The following STIM2 variants were observed in gnomAD, a reference collection of about 807,000 sequenced individuals.
The protein encoded by STIM2 is stromal interaction molecule 2.
STIM2 carries 31 observed loss-of-function variants against 85.8 expected under a neutral mutation model. The ratio of observed to expected loss-of-function variants is 0.36; its 90% CI spans 0.27 to 0.49. The LOEUF (loss-of-function observed/expected upper bound fraction) is 0.49, where lower values mean the gene tolerates loss of function less well. Among genes scored for constraint, STIM2 ranks in the 20% least tolerant of loss-of-function variants. STIM2 has a pLI of 0.98. For missense variants in STIM2, 841 were observed against 927.6 expected, an observed-to-expected ratio of 0.91 and a Z score of 1.21; for synonymous variants, 356 against 331.1, an observed-to-expected ratio of 1.08 and a Z score of -0.82.
chr4:26,942,672 A>T (rs1725656872), intron 2 of STIM2, among the ~76,000 whole-genome samples: 1 of 152,158 alleles, frequency 6.6e-6, no homozygotes, highest in African/African-American at 2.4e-5. Context: ...TTTTTAAAGC[A>T]ATTTTTTAAA....
At chr4:26,931,314 A>G (rs370377350) in intron 2 of STIM2, among the ~76,000 whole-genome samples, 9 of 152,298 alleles carry the variant, frequency 5.9e-5, no homozygotes, top group African/African-American at 2.2e-4. Flanking sequence ...CCAGCCAACC[A>G]TCACGGGGAG....
chr4:26,985,597 C>T (rs1560230301), intron 3 of STIM2, among the ~76,000 whole-genome samples: 1 of 151,886 alleles, frequency 6.6e-6, no homozygotes, highest in Non-Finnish European at 1.5e-5. Flanking sequence ...TCTTCCTGAC[C>T]CCCTTGCCAA....
intron 1 of STIM2, among the ~76,000 whole-genome samples, chr4:26,883,847 G>T (rs78264054): frequency 1.5e-3 from 229 of 152,262 alleles, no homozygotes; most frequent in Non-Finnish European, 2.5e-3. Flanking sequence ...ATGTAAATCT[G>T]CAAGGTTATG....
At chr4:26,887,642 T>A (rs1723308787) in intron 1 of STIM2, among the ~76,000 whole-genome samples, 1 of 152,174 alleles carries the variant, frequency 6.6e-6, no homozygotes, top group Admixed American at 6.6e-5. Flanking sequence ...CTTAATGTTT[T>A]AAAAGACCCT....
chr4:27,016,119 CTAAT>C (rs1728723816), intron 10 of STIM2, among the ~76,000 whole-genome samples: 1 of 152,064 alleles, frequency 6.6e-6, no homozygotes, highest in Non-Finnish European at 1.5e-5. Flanking sequence ...ATTTTTAACT[CTAAT>C]TACTGTTTTT....
chr4:26,997,052 C>T (rs1727983238), intron 4 of STIM2, among the ~76,000 whole-genome samples: 1 of 152,098 alleles, frequency 6.6e-6, no homozygotes, highest in Admixed American at 6.6e-5. Context: ...GTTTTCAGGT[C>T]AGCCCATTGG....
At chr4:26,885,861 A>ATATATATGTATATATATATATATATATG (rs1723220525) in intron 1 of STIM2, among the ~76,000 whole-genome samples, 1 of 77,734 alleles carries the variant, frequency 1.3e-5, no homozygotes, top group Admixed American at 1.4e-4. Flanking sequence ...ATATATATAT[A>ATATATATGTATATATATATATATATATG]TATATATATA....
intron 2 of STIM2, among the ~76,000 whole-genome samples, chr4:26,935,620 G>A (rs1009649598): frequency 1.3e-5 from 2 of 152,168 alleles, no homozygotes; most frequent in African/African-American, 4.8e-5. Flanking sequence ...TGAATCAGCA[G>A]CTTGGGGATG....
intron 3 of STIM2, among the ~76,000 whole-genome samples, chr4:26,981,562 C>A (rs1337516041): frequency 6.6e-6 from 1 of 152,300 alleles, no homozygotes. Context: ...CCTCCGCTCC[C>A]CTTCCAGTGC....
At chr4:26,962,083 G>A (rs1159739345) in intron 3 of STIM2, among the ~76,000 whole-genome samples, 1 of 152,156 alleles carries the variant, frequency 6.6e-6, no homozygotes, top group African/African-American at 2.4e-5. Context: ...TTTGCTAGAA[G>A]TGAAAGTGGA....
chr4:26,933,911 C>T (rs1577447147), intron 2 of STIM2, among the ~76,000 whole-genome samples: 1 of 152,070 alleles, frequency 6.6e-6, no homozygotes, highest in East Asian at 1.9e-4. Context: ...CGCAAAAATA[C>T]GGCTGGGTGC....
intron 1 of STIM2, among the ~76,000 whole-genome samples, chr4:26,870,480 T>C (rs1175577390): frequency 6.6e-6 from 1 of 152,222 alleles, no homozygotes; most frequent in African/African-American, 2.4e-5. Context: ...AATGGAAGTT[T>C]TTGTTATACA....
At chr4:26,951,199 C>A (rs1172066567) in intron 2 of STIM2, among the ~76,000 whole-genome samples, 2 of 151,948 alleles carry the variant, frequency 1.3e-5, no homozygotes, top group African/African-American at 4.8e-5. Context: ...GTTATCTGAG[C>A]GTTACTATAG....
chr4:26,939,047 C>T (rs1725501285), intron 2 of STIM2, among the ~76,000 whole-genome samples: 1 of 152,010 alleles, frequency 6.6e-6, no homozygotes, highest in Non-Finnish European at 1.5e-5. Context: ...ATATTGGAAA[C>T]TTCTGGGTAT....
chr4:27,014,636 A>G (rs954090046), intron 10 of STIM2, among the ~76,000 whole-genome samples: 3 of 151,838 alleles, frequency 2.0e-5, no homozygotes. Context: ...TTCTGTCTAT[A>G]TCTGGAAATT....
intron 2 of STIM2, among the ~76,000 whole-genome samples, chr4:26,949,403 A>G (rs994047669): frequency 6.6e-6 from 1 of 152,202 alleles, no homozygotes; most frequent in Non-Finnish European, 1.5e-5. Flanking sequence ...GTTAAGTAGT[A>G]AAATTCTTTT....
At chr4:26,906,440 GTTTTTTTT>G (rs1211425958) in intron 1 of STIM2, among the ~76,000 whole-genome samples, 1 of 116,128 alleles carries the variant, frequency 8.6e-6, no homozygotes, top group Non-Finnish European at 1.8e-5. Flanking sequence ...AAGTTTGTTT[GTTTTTTTT>G]TTTTTTTTTT....
intron 3 of STIM2, among the ~76,000 whole-genome samples, chr4:26,973,969 A>G (rs1727079819): frequency 6.6e-6 from 1 of 152,150 alleles, no homozygotes; most frequent in African/African-American, 2.4e-5. Flanking sequence ...TTCTTGTTGA[A>G]TTGATCCCTT....
At position 26,980,932 on chromosome 4, in the gene STIM2, A is replaced by G. The variant is rs116612479; in HGVS notation, c.398-14447A>G. Among the ~76,000 whole-genome samples, 631 of 152,292 alleles carry G rather than the reference A, an allele frequency of 4.1e-3. 1 individual carries two copies. Among genetic ancestry groups the G allele is most frequent in the African/African-American group, 0.014 (602 of 41,560 alleles). ...AAGCTTTACTTCTAATATTGTGGAT[A>G]AGGAGCCCTTCCTTACTTTCTGGCA... On this transcript the variant is annotated intron_variant, in intron 3 of 11. Transcript: ENST00000467087.
Sources: allele counts gnomAD v4.1 joint callset (sites outside exome capture counted in the v4.1 genomes callset), GRCh38; gene constraint gnomAD v4.1.1; transcripts MANE v1.5; gene names NCBI Gene and HGNC (gene_info 2026-07-23, HGNC 2026-07-21).